CLSTN2: variants seen among roughly 807,000 people sequenced by gnomAD.
CLSTN2 encodes the protein calsyntenin 2.
In CLSTN2, 48 loss-of-function variants were observed where a neutral mutation model predicts 101.2. The ratio of observed to expected loss-of-function variants is 0.47; its 90% confidence interval spans 0.38 to 0.60. The LOEUF (loss-of-function observed/expected upper bound fraction) is 0.60. Among genes scored for constraint, CLSTN2 ranks in the 20% least tolerant of loss-of-function variants. The pLI is 0.00. For missense variants in CLSTN2, 1,160 were observed against 1,238.2 expected, an observed-to-expected ratio of 0.94 and a Z score of 0.95; for synonymous variants, 481 against 463.6, an observed-to-expected ratio of 1.04 and a Z score of -0.48.
At chr3:139,967,415 G>C (rs1242233177) in intron 1 of CLSTN2, among the ~76,000 whole-genome samples, 1 of 152,202 alleles carries the variant, frequency 6.6e-6, no homozygotes, top group Admixed American at 6.5e-5. Context: ...CTGCCAACTA[G>C]TGGGCACTGT....
chr3:140,012,294 C>A (rs1332481157), intron 1 of CLSTN2, among the ~76,000 whole-genome samples: 1 of 152,018 alleles, frequency 6.6e-6, no homozygotes, highest in Non-Finnish European at 1.5e-5. Flanking sequence ...GGGGAGGGAG[C>A]AGGGAGAGAA....
At chr3:140,183,991 T>C (rs1474646046) in intron 2 of CLSTN2, among the ~76,000 whole-genome samples, 1 of 152,180 alleles carries the variant, frequency 6.6e-6, no homozygotes, top group Non-Finnish European at 1.5e-5. Flanking sequence ...ATTACTTCTT[T>C]CTTATTGGGC....
chr3:140,486,155 A>G (rs1169597479), intron 8 of CLSTN2, among the ~76,000 whole-genome samples: 2 of 152,200 alleles, frequency 1.3e-5, no homozygotes, highest in East Asian at 3.9e-4. Flanking sequence ...GAAAAGACCA[A>G]TGTGTATGAC....
At chr3:140,045,438 G>A (rs2007856061) in intron 1 of CLSTN2, among the ~76,000 whole-genome samples, 1 of 151,890 alleles carries the variant, frequency 6.6e-6, no homozygotes, top group Admixed American at 6.6e-5. Flanking sequence ...AGTCTTGCTA[G>A]CAGTCTATCA....
intron 8 of CLSTN2, among the ~76,000 whole-genome samples, chr3:140,495,577 A>C (rs1327911971): frequency 1.3e-5 from 2 of 152,154 alleles, no homozygotes; most frequent in Non-Finnish European, 2.9e-5. Flanking sequence ...GTTTTCTTCT[A>C]GAGTTTTCAT....
intron 2 of CLSTN2, among the ~76,000 whole-genome samples, chr3:140,220,147 A>C (rs1157799265): frequency 1.3e-5 from 2 of 152,318 alleles, no homozygotes; most frequent in East Asian, 1.9e-4. Flanking sequence ...CAATGAAAAC[A>C]ATCAAATGCT....
chr3:140,553,404 GAGGGAAA>G (rs1226563382), intron 10 of CLSTN2, among the ~76,000 whole-genome samples: 3 of 152,160 alleles, frequency 2.0e-5, no homozygotes, highest in African/African-American at 7.2e-5. Context: ...TGAAGTCTAA[GAGGGAAA>G]AGGAAATACT....
Position 140,438,989 on chromosome 3 carries a change from C to T in CLSTN2, c.788-9530C>T, listed in dbSNP as rs1433581404. 5.9e-5 allele frequency among the ~76,000 whole-genome samples: 9 copies of T among 152,288 alleles called. 1 individual carries two copies. In the South Asian group the frequency reaches 1.2e-3, roughly 21 times the overall value. On this transcript the variant is annotated intron_variant, in intron 5 of 16. Coordinates refer to ENST00000458420, the MANE Select transcript of CLSTN2 (RefSeq NM_022131.3). ...CTCTTCAAGTTTGGCTGCTGACCCA[C>T]GGCCCCCCAGACAGCCAGGGTAAAA... is the stretch of plus-strand genomic sequence containing the variant.
intron 8 of CLSTN2, among the ~76,000 whole-genome samples, chr3:140,490,580 G>A (rs1934334335): frequency 7.0e-6 from 1 of 143,450 alleles, no homozygotes; most frequent in Non-Finnish European, 1.5e-5. Flanking sequence ...GGGTGACAGA[G>A]CGAGACCTTG....
At chr3:140,542,511 A>G (rs1284274351) in intron 9 of CLSTN2, among the ~76,000 whole-genome samples, 1 of 152,228 alleles carries the variant, frequency 6.6e-6, no homozygotes. Context: ...TATGCAGCCC[A>G]TGCAGACACC....
At chr3:140,122,698 G>T (rs2009362889) in intron 1 of CLSTN2, among the ~76,000 whole-genome samples, 1 of 152,164 alleles carries the variant, frequency 6.6e-6, no homozygotes, top group Admixed American at 6.5e-5. Context: ...CTCTCCAGAG[G>T]CCCCCAAGTG....
chr3:140,034,133 C>G (rs1383754087), intron 1 of CLSTN2, among the ~76,000 whole-genome samples: 1 of 152,184 alleles, frequency 6.6e-6, no homozygotes, highest in Non-Finnish European at 1.5e-5. Flanking sequence ...ACTGACAATC[C>G]TGAGTCAACT....
intron 1 of CLSTN2, among the ~76,000 whole-genome samples, chr3:139,936,784 T>C (rs1935030218): frequency 6.6e-6 from 1 of 152,184 alleles, no homozygotes; most frequent in Non-Finnish European, 1.5e-5. Flanking sequence ...GGAGATTATG[T>C]TTATCTGTAA....
At chr3:140,016,494 T>C (rs991327933) in intron 1 of CLSTN2, among the ~76,000 whole-genome samples, 2 of 152,096 alleles carry the variant, frequency 1.3e-5, no homozygotes, top group Non-Finnish European at 2.9e-5. Flanking sequence ...TTTTGAAGAT[T>C]TGTGACAATT....
At chr3:140,437,991 C>T (rs1209411838) in intron 5 of CLSTN2, among the ~76,000 whole-genome samples, 1 of 152,162 alleles carries the variant, frequency 6.6e-6, no homozygotes, top group Non-Finnish European at 1.5e-5. Context: ...GGCTGCATAA[C>T]GTCCCCTTCT....
chr3:140,327,169 G>A (rs755050862), intron 2 of CLSTN2, among the ~76,000 whole-genome samples: 1 of 152,164 alleles, frequency 6.6e-6, no homozygotes. Context: ...TGCGCTGAAT[G>A]AGCCAGGGTT....
chr3:140,317,497 A>G (rs1264990508), intron 2 of CLSTN2, among the ~76,000 whole-genome samples: 1 of 152,168 alleles, frequency 6.6e-6, no homozygotes, highest in Non-Finnish European at 1.5e-5. Context: ...AAGTTCCTAC[A>G]GCCTGTTGGC....
intron 2 of CLSTN2, among the ~76,000 whole-genome samples, chr3:140,248,822 T>A (rs1474893407): frequency 6.6e-6 from 1 of 152,196 alleles, no homozygotes; most frequent in Non-Finnish European, 1.5e-5. Context: ...AGTCTACAGA[T>A]TTTCAAGTCA....
chr3:140,209,046 G>A (rs1452495975), intron 2 of CLSTN2, among the ~76,000 whole-genome samples: 2 of 152,086 alleles, frequency 1.3e-5, no homozygotes, highest in East Asian at 3.8e-4. Context: ...TACCATTGCA[G>A]CACCTTTCTA....
Sources: allele counts gnomAD v4.1 joint callset (sites outside exome capture counted in the v4.1 genomes callset), GRCh38; gene constraint gnomAD v4.1.1; transcripts MANE v1.5; gene names NCBI Gene and HGNC (gene_info 2026-07-23, HGNC 2026-07-21).